The following NCAM1 variants were observed in gnomAD, a reference collection of about 807,000 sequenced individuals.
NCAM1 encodes the protein neural cell adhesion molecule 1.
Under a neutral mutation model 109.8 loss-of-function variants are expected in NCAM1, and 14 were observed. The ratio of observed to expected loss-of-function variants is 0.13; its 90% CI spans 0.08 to 0.20. The LOEUF (loss-of-function observed/expected upper bound fraction) is 0.20. Ranked by LOEUF, NCAM1 falls within the 10% of genes least tolerant of loss-of-function variation. The pLI is 1.00. For missense variants in NCAM1, 774 were observed against 1,109.9 expected, an observed-to-expected ratio of 0.70 and a Z score of 4.30; for synonymous variants, 418 against 442.9, an observed-to-expected ratio of 0.94 and a Z score of 0.70.
At chr11:113,207,495 C>A in intron 6 of NCAM1, 117 bp downstream of exon 6, 1 of 792,666 alleles carries the variant, frequency 1.3e-6, no homozygotes, top group East Asian at 2.6e-5. Flanking sequence ...ATATTAACCC[C>A]AGGAGAAGAA....
chr11:112,969,417 C>T (rs1329181744), intron 1 of NCAM1, among the ~76,000 whole-genome samples: 1 of 152,132 alleles, frequency 6.6e-6, no homozygotes, highest in Non-Finnish European at 1.5e-5. Context: ...TATATAGCAT[C>T]TGAATACATG....
At chr11:113,191,185 G>A (rs1324616288) in intron 1 of NCAM1, among the ~76,000 whole-genome samples, 4 of 152,166 alleles carry the variant, frequency 2.6e-5, no homozygotes, top group Non-Finnish European at 4.4e-5. Context: ...AGAGACAGAA[G>A]GGAAGGGCTG....
intron 1 of NCAM1, among the ~76,000 whole-genome samples, chr11:113,000,856 A>AAAAAAAT (rs1389480369): frequency 2.2e-5 from 1 of 44,620 alleles, no homozygotes; most frequent in Non-Finnish European, 4.3e-5. Flanking sequence ...ATACACAAAA[A>AAAAAAAT]ATATATATAT....
In NCAM1 at chr11:113,077,756, G is replaced by A. The variant is rs142066494; in HGVS notation, c.52+116092G>A. ...GGCTGGAGTGCAGTGGCGCGATCTC[G>A]GCTCGCTGTAACCTCCTCTTCCTGG... On this transcript the variant is annotated intron_variant, in intron 1 of 19. Coordinates refer to ENST00000316851, the MANE Select transcript of NCAM1 (RefSeq NM_181351.5). Among the ~76,000 whole-genome samples the A allele has an allele frequency of 3.3e-5, 5 of 151,432 alleles. No homozygotes were observed. The East Asian group carries it at 5.8e-4, about 18-fold the overall frequency.
At chr11:113,080,456 G>GT (rs1167653839) in intron 1 of NCAM1, among the ~76,000 whole-genome samples, 1 of 147,264 alleles carries the variant, frequency 6.8e-6, no homozygotes, top group Non-Finnish European at 1.5e-5. Flanking sequence ...GAATAGAGGG[G>GT]TTTTTTTTCT....
chr11:113,096,779 AT>A (rs1565433878), intron 1 of NCAM1, among the ~76,000 whole-genome samples: 4 of 151,794 alleles, frequency 2.6e-5, no homozygotes, highest in Non-Finnish European at 4.4e-5. Flanking sequence ...CTTACTTTTC[AT>A]TCTCCTATCT....
intron 1 of NCAM1, among the ~76,000 whole-genome samples, chr11:113,020,120 C>A (rs536242061): frequency 6.6e-6 from 1 of 152,152 alleles, no homozygotes; most frequent in African/African-American, 2.4e-5. Context: ...TCACTTTAAC[C>A]CCTTACTTGT....
At chr11:113,190,346 T>G (rs1314173549) in intron 1 of NCAM1, among the ~76,000 whole-genome samples, 2 of 152,194 alleles carry the variant, frequency 1.3e-5, no homozygotes, top group African/African-American at 4.8e-5. Context: ...GTTAACTAAC[T>G]GAGAAGGAGA....
At chr11:113,207,061 T>C (rs886917380) in intron 5 of NCAM1, among the ~76,000 whole-genome samples, 200 bp from the exon 6 acceptor site, 1 of 152,234 alleles carries the variant, frequency 6.6e-6, no homozygotes, top group Non-Finnish European at 1.5e-5. Flanking sequence ...CAAAAATGCA[T>C]GTTTGTAGAA....
chr11:112,987,203 C>A (rs1273200749), intron 1 of NCAM1, among the ~76,000 whole-genome samples: 4 of 152,050 alleles, frequency 2.6e-5, no homozygotes, highest in Non-Finnish European at 5.9e-5. Context: ...GTGAATTTTT[C>A]AAAATTCCTC....
intron 17 of NCAM1, among the ~76,000 whole-genome samples, chr11:113,265,747 C>G (rs1257854739): frequency 6.6e-6 from 1 of 152,116 alleles, no homozygotes; most frequent in Admixed American, 6.5e-5. Flanking sequence ...TCAACAGTTC[C>G]AAGAGTCTGA....
At chr11:113,071,948 CA>C (rs1388929993) in intron 1 of NCAM1, among the ~76,000 whole-genome samples, 1 of 152,028 alleles carries the variant, frequency 6.6e-6, no homozygotes, top group Non-Finnish European at 1.5e-5. Flanking sequence ...AGTTCGAGAC[CA>C]GTCTGGGCAA....
intron 1 of NCAM1, among the ~76,000 whole-genome samples, chr11:113,113,756 A>T (rs1337519055): frequency 2.5e-5 from 3 of 118,224 alleles, no homozygotes; most frequent in Non-Finnish European, 5.4e-5. Flanking sequence ...TTAGTTTAAG[A>T]CAGGTTCTTT....
chr11:113,046,677 G>A (rs1555080897), intron 1 of NCAM1, among the ~76,000 whole-genome samples: 1 of 152,124 alleles, frequency 6.6e-6, no homozygotes, highest in Non-Finnish European at 1.5e-5. Flanking sequence ...TGGATAGCGA[G>A]ATGGATGAAC....
intron 1 of NCAM1, among the ~76,000 whole-genome samples, chr11:113,072,543 C>T (rs781859671): frequency 8.5e-5 from 13 of 152,150 alleles, no homozygotes; most frequent in Admixed American, 4.6e-4. Flanking sequence ...TGAATTATGT[C>T]GTTTCATAGT....
At chr11:113,099,991 G>T (rs534518022) in intron 1 of NCAM1, among the ~76,000 whole-genome samples, 3 of 152,272 alleles carry the variant, frequency 2.0e-5, no homozygotes, top group South Asian at 4.1e-4. Context: ...CAGCCCCAGG[G>T]CTTTTTATTT....
chr11:112,981,079 C>A (rs1229253438), intron 1 of NCAM1, among the ~76,000 whole-genome samples: 2 of 151,772 alleles, frequency 1.3e-5, no homozygotes. Flanking sequence ...GAGAATCACC[C>A]CTTTCACATA....
At chr11:113,082,156 T>C (rs17114773) in intron 1 of NCAM1, among the ~76,000 whole-genome samples, 1 of 152,178 alleles carries the variant, frequency 6.6e-6, no homozygotes, top group South Asian at 2.1e-4. Flanking sequence ...CATTTTGTTG[T>C]AAGACCAGTT....
intron 1 of NCAM1, among the ~76,000 whole-genome samples, chr11:113,161,297 C>T (rs1591376551): frequency 1.3e-5 from 2 of 152,250 alleles, no homozygotes; most frequent in Non-Finnish European, 2.9e-5. Context: ...TTCTTCAGAA[C>T]GTTTCATTTC....
Sources: gnomAD v4.1 joint callset for allele counts (sites outside exome capture counted in the v4.1 genomes callset) on GRCh38, gnomAD v4.1.1 for gene constraint, MANE v1.5 for transcripts, NCBI Gene and HGNC (gene_info 2026-07-23, HGNC 2026-07-21) for gene names.